IFT140: variants seen among roughly 807,000 people sequenced by gnomAD.
IFT140 encodes the protein intraflagellar transport 140, also known as intraflagellar transport protein 140 homolog.
IFT140 carries 133 observed loss-of-function variants against 164.6 expected under a neutral mutation model. The observed-to-expected ratio is 0.81, with a 90% CI of 0.70 to 0.93. IFT140 has a LOEUF of 0.93. IFT140 is among the 40% of genes least tolerant of loss of function. The probability of loss-of-function intolerance (pLI) is 0.00; values close to 1 mark genes in which losing one functional copy is unlikely to be tolerated. For synonymous variants in IFT140, 860 were observed against 817.3 expected (o/e 1.05, Z -0.89); for missense variants, 2,045 against 1,972.3 (o/e 1.04, Z -0.70).
chr16:1,517,709 G>T (rs2141132238), intron 30 of IFT140, among the ~76,000 whole-genome samples: 1 of 152,312 alleles, frequency 6.6e-6, no homozygotes, highest in East Asian at 1.9e-4. Context: ...CCCTGAAAAA[G>T]AAATCGTGGT....
At chr16:1,583,239 G>A in intron 12 of IFT140, 75 bp downstream of exon 12, 1 of 1,266,884 alleles carries the variant, frequency 7.9e-7, no homozygotes, top group Admixed American at 1.7e-5. Flanking sequence ...CTGCACCACA[G>A]TGGCCCTCTC....
At chr16:1,590,341 T>A (rs2035113888) in intron 6 of IFT140, among the ~76,000 whole-genome samples, 1 of 151,990 alleles carries the variant, frequency 6.6e-6, no homozygotes, top group African/African-American at 2.4e-5. Flanking sequence ...GGGTTTCACA[T>A]CCACACTGCT....
At chr16:1,536,710 G>A (rs2031107388) in intron 19 of IFT140, among the ~76,000 whole-genome samples, 1 of 152,124 alleles carries the variant, frequency 6.6e-6, no homozygotes, top group South Asian at 2.1e-4. Flanking sequence ...CGCGCCCAGA[G>A]TCTCCCTTGG....
chr16:1,605,586 A>G (rs2036016559), intron 3 of IFT140, among the ~76,000 whole-genome samples: 1 of 151,912 alleles, frequency 6.6e-6, no homozygotes, highest in Non-Finnish European at 1.5e-5. Flanking sequence ...TTGTATTTTT[A>G]GTGGAGACGG....
chr16:1,534,700 G>T, intron 19 of IFT140: 1 of 1,217,712 alleles, frequency 8.2e-7, no homozygotes. Context: ...GCAGGAGGGG[G>T]CACTGTGTCT....
At chr16:1,561,042 CT>C (rs2033379541) in intron 18 of IFT140, among the ~76,000 whole-genome samples, 1 of 152,268 alleles carries the variant, frequency 6.6e-6, no homozygotes, top group Non-Finnish European at 1.5e-5. Context: ...CCCTGTGGGG[CT>C]CACAGGCCGG....
At chr16:1,538,256 G>A (rs1049177850) in intron 19 of IFT140, among the ~76,000 whole-genome samples, 21 of 152,172 alleles carry the variant, frequency 1.4e-4, no homozygotes, top group African/African-American at 4.8e-4. Flanking sequence ...TGTGGGGCAC[G>A]GCTGCTGCAC....
chr16:1,520,389 G>C (rs1449603687), intron 27 of IFT140, 46 bp from the exon 28 acceptor site: 2 of 1,594,826 alleles, frequency 1.3e-6, no homozygotes, highest in Non-Finnish European at 8.6e-7. Flanking sequence ...GGCTGGGCCG[G>C]GACAAGCACA....
At chr16:1,562,423 A>C (rs887366910) in intron 17 of IFT140, among the ~76,000 whole-genome samples, 2 of 152,170 alleles carry the variant, frequency 1.3e-5, no homozygotes, top group Non-Finnish European at 2.9e-5. Flanking sequence ...GCAACTCAAA[A>C]GAGCTTTCAT....
chr16:1,519,736 T>G, intron 29 of IFT140, 145 bp downstream of exon 29: 2 of 677,060 alleles, frequency 3.0e-6, no homozygotes, highest in South Asian at 3.4e-5. Context: ...CAGGAGGAGG[T>G]GGGGTGTGTC....
chr16:1,584,560 A>C (rs1051415378), intron 10 of IFT140, 140 bp from the exon 11 acceptor site: 2 of 664,644 alleles, frequency 3.0e-6, no homozygotes, highest in Non-Finnish European at 5.1e-6. Context: ...AAATGATCTT[A>C]TAAGACATTA....
At chr16:1,552,896 A>G in intron 19 of IFT140, 4 of 878,280 alleles carry the variant, frequency 4.6e-6, no homozygotes, top group Non-Finnish European at 5.5e-6. Flanking sequence ...CTCGTGATCC[A>G]CCCGCCTCAG....
chr16:1,522,429 G>A (rs961889758), intron 26 of IFT140, among the ~76,000 whole-genome samples: 1 of 152,248 alleles, frequency 6.6e-6, no homozygotes, highest in Non-Finnish European at 1.5e-5. Flanking sequence ...CAGCTACTGG[G>A]GAATCTGAGG....
intron 29 of IFT140, 75 bp downstream of exon 29, chr16:1,519,806 G>T: frequency 1.4e-6 from 2 of 1,385,472 alleles, no homozygotes. Context: ...TTTGCTGGCT[G>T]GGGTTTCTCG....
At chr16:1,611,237 G>A (rs1438031310) in intron 1 of IFT140, among the ~76,000 whole-genome samples, 1 of 152,214 alleles carries the variant, frequency 6.6e-6, no homozygotes, top group East Asian at 1.9e-4. Flanking sequence ...GCCGGACGCG[G>A]GGCTCGCGCT....
chr16:1,574,215 T>G (rs181322300), intron 13 of IFT140, among the ~76,000 whole-genome samples: 17 of 152,310 alleles, frequency 1.1e-4, no homozygotes, highest in Non-Finnish European at 2.5e-4. Context: ...CCAGGCCCAG[T>G]GTTCCTCGGG....
rs771610246 is a variant in IFT140, at chr16:1,531,353, C to G, written c.2400-4557G>C. On this transcript the variant is annotated intron_variant, in intron 19 of 30. Coordinates refer to ENST00000426508, the MANE Select transcript of IFT140 (RefSeq NM_014714.4). This position sits in a 1 kb window ranked among gnomAD's most constrained non-coding sequence, Gnocchi z 4.7. ...AAGCTCTGCCGAGACCACTCTGTGT[C>G]AGGATGAGGGTGGCTGGCGAACAGC... The G allele has an allele frequency of 6.6e-6, 1 of 152,210 alleles. No homozygotes were observed. The highest frequency in any genetic ancestry group is 1.5e-5 in the Non-Finnish European group (1 of 68,060). 9.4% of individuals were successfully genotyped at this position (152,210 alleles called of 1,614,324 possible).
chr16:1,544,833 A>G (rs1202580334), intron 19 of IFT140, among the ~76,000 whole-genome samples: 1 of 151,556 alleles, frequency 6.6e-6, no homozygotes, highest in Non-Finnish European at 1.5e-5. Context: ...TATTTTTAGT[A>G]GAGACGGGGT....
intron 4 of IFT140, among the ~76,000 whole-genome samples, chr16:1,595,790 T>C (rs924512249): frequency 7.2e-5 from 11 of 151,838 alleles, no homozygotes; most frequent in Non-Finnish European, 1.5e-4. Context: ...CAATGGCTCA[T>C]GCCTGTAATC....
Sources: allele counts gnomAD v4.1 joint callset (sites outside exome capture counted in the v4.1 genomes callset), GRCh38; gene constraint gnomAD v4.1.1; non-coding constraint Gnocchi (gnomAD v3.1); transcripts MANE v1.5; gene names NCBI Gene and HGNC (gene_info 2026-07-23, HGNC 2026-07-21).